The following CNTNAP2 variants were observed in gnomAD, a reference collection of about 807,000 sequenced individuals.
CNTNAP2 encodes the protein contactin-associated protein-like 2.
Under a neutral mutation model 155.2 loss-of-function variants are expected in CNTNAP2, and 98 were observed. The observed-to-expected ratio is 0.63, with a 90% confidence interval of 0.54 to 0.75. CNTNAP2 has a LOEUF of 0.75. Among genes scored for constraint, CNTNAP2 ranks in the 30% least tolerant of loss-of-function variants. The pLI is 0.00. For synonymous variants in CNTNAP2, 651 were observed against 631.2 expected, an observed-to-expected ratio of 1.03 and a Z score of -0.47; for missense variants, 1,727 against 1,688.1, an observed-to-expected ratio of 1.02 and a Z score of -0.40.
At chr7:146,724,561 CTTTTTTTTTTT>C (rs1000613503) in intron 1 of CNTNAP2, among the ~76,000 whole-genome samples, 1,565 of 65,714 alleles carry the variant, frequency 0.024, 43 homozygotes, top group African/African-American at 0.098. Context: ...TAAATCTAAA[CTTTTTTTTTTT>C]TTTTTTTTTT....
At chr7:146,251,766 G>C (rs1375607342) in intron 1 of CNTNAP2, among the ~76,000 whole-genome samples, 1 of 152,138 alleles carries the variant, frequency 6.6e-6, no homozygotes, top group Non-Finnish European at 1.5e-5. Flanking sequence ...ATATGACTCA[G>C]AGCTTCAGAC....
chr7:146,117,131 C>T, intron 1 of CNTNAP2, 158 bp downstream of exon 1: 1 of 629,278 alleles, frequency 1.6e-6, no homozygotes, highest in South Asian at 1.9e-5. Flanking sequence ...TAGACAAACT[C>T]GAAACCCAGC....
intron 4 of CNTNAP2, among the ~76,000 whole-genome samples, chr7:147,106,580 T>C (rs553631745): frequency 2.0e-5 from 3 of 152,264 alleles, no homozygotes; most frequent in African/African-American, 7.2e-5. Context: ...TAAGGTCATA[T>C]TTTTTCTGAA....
At chr7:147,659,709 CT>C (rs1383336169) in intron 13 of CNTNAP2, among the ~76,000 whole-genome samples, 2 of 152,076 alleles carry the variant, frequency 1.3e-5, no homozygotes, top group Non-Finnish European at 2.9e-5. Flanking sequence ...AGATTTACCC[CT>C]GGGAAGGAGA....
intron 21 of CNTNAP2, among the ~76,000 whole-genome samples, chr7:148,279,927 T>C (rs1796942196): frequency 6.6e-6 from 1 of 152,038 alleles, no homozygotes; most frequent in Non-Finnish European, 1.5e-5. Flanking sequence ...AATGACAAAA[T>C]TTTACAATTG....
chr7:146,527,094 A>C (rs1184798389), intron 1 of CNTNAP2, among the ~76,000 whole-genome samples: 1 of 151,966 alleles, frequency 6.6e-6, no homozygotes, highest in Non-Finnish European at 1.5e-5. Flanking sequence ...CATTTTTTTT[A>C]GAAAAAAAAA....
At chr7:147,804,458 C>G (rs916693891) in intron 13 of CNTNAP2, among the ~76,000 whole-genome samples, 1 of 152,144 alleles carries the variant, frequency 6.6e-6, no homozygotes, top group Non-Finnish European at 1.5e-5. Context: ...TGAAACCTTC[C>G]AAAGACTTCA....
chr7:147,684,690 G>C (rs851735), intron 13 of CNTNAP2, among the ~76,000 whole-genome samples: 45,840 of 151,682 alleles, frequency 0.3, 11,857 homozygotes, highest in African/African-American at 0.7. Flanking sequence ...TCATGCTCTA[G>C]TCTAAGCTTC....
intron 4 of CNTNAP2, among the ~76,000 whole-genome samples, chr7:147,054,563 T>C (rs1315284703): frequency 1.3e-5 from 2 of 152,140 alleles, no homozygotes; most frequent in Non-Finnish European, 2.9e-5. Flanking sequence ...AGGAAAGCAA[T>C]AAAATTTAAA....
chr7:147,884,171 G>A (rs1799568685), intron 13 of CNTNAP2, among the ~76,000 whole-genome samples: 2 of 152,192 alleles, frequency 1.3e-5, no homozygotes, highest in African/African-American at 4.8e-5. Context: ...AAGTGGGAAT[G>A]TGCTTGGGTG....
chr7:146,305,683 G>A (rs769201683), intron 1 of CNTNAP2, among the ~76,000 whole-genome samples: 1 of 152,088 alleles, frequency 6.6e-6, no homozygotes, highest in Non-Finnish European at 1.5e-5. Context: ...AAATAAAGAT[G>A]TTCTTTGAAG....
rs1367526173 is a variant in CNTNAP2, at chr7:146,404,141, A to AAAAAAAAAAAAAAC, written c.97+287169_97+287170insAAAAAAAAAAAACA. On this transcript the variant is annotated intron_variant, in intron 1 of 23. Transcript: ENST00000361727. ...CTCCGTCTCAAAAAAAAAAAAAAAA[A>AAAAAAAAAAAAAAC]ACAAAGAACTTGGCCTCTTGGTTTT... 4.2e-3 allele frequency among the ~76,000 whole-genome samples: 624 copies of AAAAAAAAAAAAAAC among 147,334 alleles called. 25 individuals carry two copies. The highest frequency in any genetic ancestry group is 0.016 in the African/African-American group (585 of 37,674).
chr7:146,224,527 C>T (rs1799260060), intron 1 of CNTNAP2, among the ~76,000 whole-genome samples: 1 of 150,818 alleles, frequency 6.6e-6, no homozygotes, highest in South Asian at 2.1e-4. Context: ...GCGGGCGGAT[C>T]ATGAGGTCAG....
chr7:147,735,025 G>A (rs1487095619), intron 13 of CNTNAP2, among the ~76,000 whole-genome samples: 2 of 151,142 alleles, frequency 1.3e-5, no homozygotes, highest in South Asian at 4.2e-4. Flanking sequence ...GTCTCTTCCA[G>A]TTCTGCTCTG....
intron 12 of CNTNAP2, among the ~76,000 whole-genome samples, chr7:147,575,107 ATGTGTGTGTGTGTGTGTGTGTGTGTGTG>A: frequency 1.1e-5 from 1 of 94,146 alleles, no homozygotes; most frequent in African/African-American, 3.9e-5. Flanking sequence ...TTTGTGGGAA[ATGTGTGTGTGTGTGTGTGTGTGTGTGTG>A]TGTGTGTGTG....
chr7:146,854,974 A>G (rs933466017), intron 3 of CNTNAP2, among the ~76,000 whole-genome samples: 3 of 152,332 alleles, frequency 2.0e-5, no homozygotes, highest in South Asian at 2.1e-4. Flanking sequence ...ATGCTAACAG[A>G]GAAAATTTCC....
chr7:146,951,004 T>C (rs903555634), intron 3 of CNTNAP2, among the ~76,000 whole-genome samples: 4 of 152,104 alleles, frequency 2.6e-5, no homozygotes, highest in African/African-American at 9.7e-5. Context: ...CGTGAGATGG[T>C]ATCTCATCGT....
At chr7:147,237,074 TTTTTTTTTTTTG>T (rs1803825317) in intron 8 of CNTNAP2, among the ~76,000 whole-genome samples, 1 of 58,714 alleles carries the variant, frequency 1.7e-5, no homozygotes. Flanking sequence ...TTTTTTTTTT[TTTTTTTTTTTTG>T]ACAGTGTCTT....
chr7:148,019,723 C>G (rs1268762504), intron 15 of CNTNAP2, among the ~76,000 whole-genome samples: 1 of 151,572 alleles, frequency 6.6e-6, no homozygotes, highest in Non-Finnish European at 1.5e-5. Context: ...TCCCAAAGTG[C>G]TGGGGTTACA....
Sources: allele counts gnomAD v4.1 joint callset (sites outside exome capture counted in the v4.1 genomes callset), GRCh38; gene constraint gnomAD v4.1.1; transcripts MANE v1.5; gene names NCBI Gene and HGNC (gene_info 2026-07-23, HGNC 2026-07-21).